NTM: variants seen among roughly 807,000 people sequenced by gnomAD.
NTM encodes the protein IgLON family member 2.
NTM carries 13 observed loss-of-function variants against 42.1 expected under a neutral mutation model. The observed-to-expected ratio is 0.31, with a 90% CI of 0.20 to 0.49. NTM has a LOEUF of 0.49. Among genes scored for constraint, NTM ranks in the 20% least tolerant of loss-of-function variants. The probability of loss-of-function intolerance (pLI) is 0.99; values close to 1 mark genes in which losing one functional copy is unlikely to be tolerated. For missense variants in NTM, 373 were observed against 452.8 expected (o/e 0.82, Z 1.60); for synonymous variants, 187 against 179.2 (o/e 1.04, Z -0.35).
At chr11:132,027,604 T>G (rs1293833604) in intron 2 of NTM, among the ~76,000 whole-genome samples, 1 of 152,196 alleles carries the variant, frequency 6.6e-6, no homozygotes, top group African/African-American at 2.4e-5. Context: ...TGAAGAGAAG[T>G]CCAATGTAAT....
chr11:131,617,314 A>G (rs2062041772), intron 1 of NTM, among the ~76,000 whole-genome samples: 1 of 152,234 alleles, frequency 6.6e-6, no homozygotes. Flanking sequence ...CACTTTGCGG[A>G]AAGAAAACGT....
intron 3 of NTM, among the ~76,000 whole-genome samples, chr11:132,192,111 A>T (rs750724684): frequency 1.2e-4 from 18 of 152,156 alleles, no homozygotes; most frequent in Non-Finnish European, 2.5e-4. Context: ...AGTCCAAAAA[A>T]TTTTCCCAGT....
chr11:132,245,915 C>T (rs2091055380), intron 4 of NTM, among the ~76,000 whole-genome samples: 1 of 152,134 alleles, frequency 6.6e-6, no homozygotes, highest in African/African-American at 2.4e-5. Context: ...AGTAGAAAGC[C>T]CGCAGGATTT....
At chr11:131,474,550 AT>A (rs1365902425) in intron 1 of NTM, among the ~76,000 whole-genome samples, 1 of 152,058 alleles carries the variant, frequency 6.6e-6, no homozygotes, top group Admixed American at 6.5e-5. Context: ...TATATCCAGC[AT>A]CTCATTCATC....
chr11:131,605,706 G>A (rs1489408860), intron 1 of NTM: 8 of 780,790 alleles, frequency 1.0e-5, no homozygotes, highest in Non-Finnish European at 1.1e-5. Context: ...GGGTGAGGAC[G>A]TTTCTTTCTA....
intron 1 of NTM, among the ~76,000 whole-genome samples, chr11:131,730,719 T>TAAAAAAAAAAAA (rs2079541594): frequency 9.2e-6 from 1 of 108,774 alleles, no homozygotes; most frequent in Non-Finnish European, 2.1e-5. Flanking sequence ...CCCTATCTGT[T>TAAAAAAAAAAAA]AAAAGAAGAA....
chr11:132,190,153 A>G (rs536816218), intron 3 of NTM, among the ~76,000 whole-genome samples: 1 of 152,114 alleles, frequency 6.6e-6, no homozygotes, highest in Non-Finnish European at 1.5e-5. Context: ...TGCACAATAC[A>G]AGGTTTGGTT....
At chr11:131,907,345 G>T (rs1160724092) in intron 1 of NTM, among the ~76,000 whole-genome samples, 1 of 152,188 alleles carries the variant, frequency 6.6e-6, no homozygotes, top group East Asian at 1.9e-4. Context: ...AGATGCCAGG[G>T]TTGCCTGAAG....
chr11:132,248,331 C>G (rs539788129), intron 4 of NTM, among the ~76,000 whole-genome samples: 1 of 152,306 alleles, frequency 6.6e-6, no homozygotes, highest in South Asian at 2.1e-4. Context: ...GTCTTCCTCT[C>G]TCTCTTTTAT....
chr11:131,774,662 A>G (rs974603061), intron 1 of NTM, among the ~76,000 whole-genome samples: 2 of 152,212 alleles, frequency 1.3e-5, no homozygotes, highest in African/African-American at 4.8e-5. Flanking sequence ...AGTTTATTCT[A>G]CAACTTGCCA....
chr11:131,777,613 A>C (rs2087261988), intron 1 of NTM, among the ~76,000 whole-genome samples: 1 of 151,484 alleles, frequency 6.6e-6, no homozygotes, highest in Admixed American at 6.6e-5. Flanking sequence ...CAAACCCCAA[A>C]ATTTTACCCT....
chr11:131,372,679 G>T (rs1361292904), intron 1 of NTM, among the ~76,000 whole-genome samples: 1 of 152,052 alleles, frequency 6.6e-6, no homozygotes, highest in Non-Finnish European at 1.5e-5. Context: ...TGTCTCTTCT[G>T]CCTGTAACAT....
chr11:131,463,934 T>C (rs1392864702), intron 1 of NTM, among the ~76,000 whole-genome samples: 3 of 152,212 alleles, frequency 2.0e-5, no homozygotes, highest in Non-Finnish European at 2.9e-5. Flanking sequence ...AGGTTTCTGA[T>C]GAATGTGTGA....
intron 1 of NTM, among the ~76,000 whole-genome samples, chr11:131,827,934 C>A (rs2042325891): frequency 6.6e-6 from 1 of 152,128 alleles, no homozygotes; most frequent in Non-Finnish European, 1.5e-5. Flanking sequence ...CAAACCAGTT[C>A]TCTACTGGAT....
intron 1 of NTM, among the ~76,000 whole-genome samples, chr11:131,594,727 TCTC>T (rs2059667885): frequency 6.6e-6 from 1 of 151,624 alleles, no homozygotes; most frequent in African/African-American, 2.4e-5. Context: ...TGGTAACAAT[TCTC>T]CTTCTGATGA....
At chr11:132,141,548 A>G (rs1435075290) in intron 2 of NTM, among the ~76,000 whole-genome samples, 2 of 152,172 alleles carry the variant, frequency 1.3e-5, no homozygotes, top group Non-Finnish European at 2.9e-5. Flanking sequence ...TTTCTCTACC[A>G]TACTCGAGCT....
At chr11:131,733,991 A>C (rs1454677757) in intron 1 of NTM, among the ~76,000 whole-genome samples, 1 of 152,208 alleles carries the variant, frequency 6.6e-6, no homozygotes, top group Non-Finnish European at 1.5e-5. Flanking sequence ...TTTTTTGTCT[A>C]CGTTAATAAT....
intron 3 of NTM, among the ~76,000 whole-genome samples, chr11:132,186,337 T>C (rs2078387463): frequency 6.6e-6 from 1 of 152,192 alleles, no homozygotes; most frequent in Non-Finnish European, 1.5e-5. Context: ...AAGCAGGCAG[T>C]GGATGGCCAG....
At chr11:131,630,385 TC>T (rs2063534590) in intron 1 of NTM, among the ~76,000 whole-genome samples, 1 of 152,188 alleles carries the variant, frequency 6.6e-6, no homozygotes, top group Non-Finnish European at 1.5e-5. Flanking sequence ...TTGGACAAGC[TC>T]TTTAGATTGA....
Sources: allele counts gnomAD v4.1 joint callset (sites outside exome capture counted in the v4.1 genomes callset), GRCh38; gene constraint gnomAD v4.1.1; transcripts MANE v1.5; gene names NCBI Gene and HGNC (gene_info 2026-07-23, HGNC 2026-07-21).